The following CNTNAP5 variants were observed in gnomAD, a reference collection of about 807,000 sequenced individuals.
The protein encoded by CNTNAP5 is contactin associated protein family member 5.
In CNTNAP5, 72 loss-of-function variants were observed where a neutral mutation model predicts 150.2. That is an observed-to-expected ratio of 0.48 (90% CI 0.40 to 0.58). The LOEUF (loss-of-function observed/expected upper bound fraction) is 0.58. Among genes scored for constraint, CNTNAP5 ranks in the 20% least tolerant of loss-of-function variants. The probability of loss-of-function intolerance (pLI) is 0.00; values close to 1 mark genes in which losing one functional copy is unlikely to be tolerated. For synonymous variants in CNTNAP5, 672 were observed against 619.8 expected, an observed-to-expected ratio of 1.08 and a Z score of -1.25; for missense variants, 1,636 against 1,626.2, an observed-to-expected ratio of 1.01 and a Z score of -0.10.
intron 3 of CNTNAP5, among the ~76,000 whole-genome samples, chr2:124,256,804 A>G (rs1687327356): frequency 1.3e-5 from 2 of 152,180 alleles, no homozygotes; most frequent in South Asian, 4.1e-4. Flanking sequence ...ACTTGTGCAC[A>G]AATAGACTTG....
chr2:124,190,537 C>T (rs556898374), intron 1 of CNTNAP5, among the ~76,000 whole-genome samples: 1 of 152,260 alleles, frequency 6.6e-6, no homozygotes, highest in South Asian at 2.1e-4. Context: ...CAACCACTTC[C>T]TGGTATTTCA....
chr2:124,064,691 T>A (rs746227005), intron 1 of CNTNAP5, among the ~76,000 whole-genome samples: 2 of 152,178 alleles, frequency 1.3e-5, no homozygotes, highest in Non-Finnish European at 2.9e-5. Context: ...AATGTCTACC[T>A]CTCCCATGTC....
chr2:124,509,376 C>CT (rs995422753), intron 8 of CNTNAP5, among the ~76,000 whole-genome samples: 52 of 150,908 alleles, frequency 3.4e-4, no homozygotes, highest in East Asian at 1.4e-3. Flanking sequence ...TTGTCATCTC[C>CT]TTTTTTTTTG....
intron 1 of CNTNAP5, among the ~76,000 whole-genome samples, chr2:124,167,502 CTG>C (rs1406591124): frequency 1.3e-5 from 2 of 152,162 alleles, no homozygotes; most frequent in African/African-American, 4.8e-5. Flanking sequence ...ACTTTTCTCA[CTG>C]TGTTTTTTGT....
chr2:124,865,484 C>T, intron 20 of CNTNAP5, 48 bp downstream of exon 20: 1 of 1,534,610 alleles, frequency 6.5e-7, no homozygotes. Context: ...CTTGGCTACT[C>T]TATCAAACTT....
At position 124,647,891 on chromosome 2, in the gene CNTNAP5, C is replaced by A. The variant is rs372357368; in HGVS notation, c.2010C>A (p.Asp670Glu). ...TGGAACAGCTGGAGGCCGTGATCGA[C>A]GGCTCTGAGCACTGTGAGCAGGAGG... ...GSMEQLEAVI[D>E]GSEHCEQEVA... The change falls in exon 13 of 24, where the codon GAC becomes GAA. Residue 670 changes from aspartate to glutamate, a missense_variant. Transcript: ENST00000682447. 5 of 1,611,874 alleles carry A rather than the reference C, an allele frequency of 3.1e-6. No homozygotes were observed. Among genetic ancestry groups the A allele is most frequent in the Non-Finnish European group, 4.2e-6 (5 of 1,179,102 alleles).
At position 124,713,301 on chromosome 2, in the gene CNTNAP5, CTT is replaced by C. The variant is rs1679863042; in HGVS notation, c.2078-33927_2078-33926del. Among the ~76,000 whole-genome samples the C allele has an allele frequency of 1.7e-3, 130 of 76,814 alleles. 1 individual carries two copies. The highest frequency in any genetic ancestry group is 3.1e-3 in the South Asian group (6 of 1,924). 50.4% of individuals were successfully genotyped at this position (76,814 alleles called of 152,430 possible). A position where few individuals can be genotyped will look rare whatever the true frequency, so the allele number is the denominator to read the frequency against. On this transcript the variant is annotated intron_variant, in intron 13 of 23. Coordinates refer to ENST00000682447, the MANE Select transcript of CNTNAP5 (RefSeq NM_001367498.1). ...TCTTTCTTTCTTTCTTTCTTTCTTT[CTT>C]CTTTCTCTTTCTTTCCTTTCTTTCT...
chr2:124,756,866 T>C (rs1238285627), intron 14 of CNTNAP5, among the ~76,000 whole-genome samples: 1 of 152,122 alleles, frequency 6.6e-6, no homozygotes, highest in Non-Finnish European at 1.5e-5. Context: ...CAAACCACCA[T>C]GGCACATGTT....
Position 124,446,746 on chromosome 2 carries a change from T to C in CNTNAP5, c.734-7T>C. On this transcript the variant is annotated splice_region_variant and splice_polypyrimidine_tract_variant and intron_variant, in intron 5 of 23. Coordinates refer to ENST00000682447, the MANE Select transcript of CNTNAP5 (RefSeq NM_001367498.1). ...GACATCATCTTGCCTCTCTCCCCTC[T>C]TCACAGGTGACAGCAAAGCGCGGCT... The C allele has an allele frequency of 6.2e-7, 1 of 1,612,200 alleles. No individual in the cohort carries two copies. The highest frequency in any genetic ancestry group is 2.2e-5 in the East Asian group (1 of 44,850).
chr2:124,449,039 G>C (rs1692900093), intron 6 of CNTNAP5, among the ~76,000 whole-genome samples: 1 of 152,204 alleles, frequency 6.6e-6, no homozygotes, highest in Admixed American at 6.5e-5. Flanking sequence ...AGTGGAGATG[G>C]AGATGAATAA....
At chr2:124,694,458 A>G (rs76367783) in intron 13 of CNTNAP5, among the ~76,000 whole-genome samples, 5,732 of 152,228 alleles carry the variant, frequency 0.038, 234 homozygotes, top group Non-Finnish European at 0.054. Context: ...GTGCTTAAAC[A>G]TAGTCTGAAA....
intron 6 of CNTNAP5, among the ~76,000 whole-genome samples, chr2:124,462,697 C>A (rs1693281312): frequency 6.6e-6 from 1 of 152,160 alleles, no homozygotes; most frequent in African/African-American, 2.4e-5. Flanking sequence ...GTAAAGCTAG[C>A]CAAGCCCCTC....
chr2:124,432,474 C>T (rs1266336043), intron 4 of CNTNAP5, among the ~76,000 whole-genome samples: 2 of 152,138 alleles, frequency 1.3e-5, no homozygotes, highest in African/African-American at 4.8e-5. Context: ...TCTGAATCTA[C>T]CCCCTTTGAA....
chr2:124,686,939 G>A (rs1407561997), intron 13 of CNTNAP5, among the ~76,000 whole-genome samples: 1 of 152,120 alleles, frequency 6.6e-6, no homozygotes, highest in Non-Finnish European at 1.5e-5. Context: ...TCCTGAAACG[G>A]TAGAAATGTT....
At chr2:124,179,005 T>G (rs1446376935) in intron 1 of CNTNAP5, among the ~76,000 whole-genome samples, 1 of 151,562 alleles carries the variant, frequency 6.6e-6, no homozygotes, top group Non-Finnish European at 1.5e-5. Context: ...CAGGCTGGAG[T>G]GCATTGCATT....
chr2:124,067,133 A>C (rs1261985218), intron 1 of CNTNAP5, among the ~76,000 whole-genome samples: 2 of 152,202 alleles, frequency 1.3e-5, no homozygotes, highest in Admixed American at 6.5e-5. Flanking sequence ...TTAATCCCAC[A>C]AACAAAAAGA....
At chr2:124,305,142 G>A (rs1688654982) in intron 3 of CNTNAP5, among the ~76,000 whole-genome samples, 1 of 150,284 alleles carries the variant, frequency 6.7e-6, no homozygotes, top group Non-Finnish European at 1.5e-5. Context: ...AGTGGGGTGT[G>A]GTGGCACACA....
chr2:124,464,774 C>G (rs1237948358), intron 6 of CNTNAP5, among the ~76,000 whole-genome samples: 1 of 152,026 alleles, frequency 6.6e-6, no homozygotes, highest in African/African-American at 2.4e-5. Flanking sequence ...ATTCATCCAC[C>G]CTTGACTAGT....
intron 3 of CNTNAP5, among the ~76,000 whole-genome samples, chr2:124,373,947 A>G (rs1307909434): frequency 2.0e-5 from 3 of 152,090 alleles, no homozygotes; most frequent in Non-Finnish European, 4.4e-5. Context: ...TGTTAAGTGA[A>G]GATCACAAGA....
Sources: gnomAD v4.1 joint callset for allele counts (sites outside exome capture counted in the v4.1 genomes callset) on GRCh38, gnomAD v4.1.1 for gene constraint, MANE v1.5 for transcripts, NCBI Gene and HGNC (gene_info 2026-07-23, HGNC 2026-07-21) for gene names.